The following ANTXR2 variants were observed in gnomAD, a reference collection of about 807,000 sequenced individuals.
ANTXR2 encodes the protein anthrax toxin receptor 2.
Under a neutral mutation model 73.7 loss-of-function variants are expected in ANTXR2, and 44 were observed. The ratio of observed to expected loss-of-function variants is 0.60; its 90% confidence interval spans 0.47 to 0.77. The LOEUF (loss-of-function observed/expected upper bound fraction) is 0.77. Among genes scored for constraint, ANTXR2 ranks in the 30% least tolerant of loss-of-function variants. The probability of loss-of-function intolerance (pLI) is 0.00; values close to 1 mark genes in which losing one functional copy is unlikely to be tolerated. For missense variants in ANTXR2, 604 were observed against 592.5 expected (o/e 1.02, Z -0.20); for synonymous variants, 217 against 205.9 (o/e 1.05, Z -0.46).
Position 80,005,188 on chromosome 4 carries a change from G to A in ANTXR2, c.1041+3333C>T, listed in dbSNP as rs766335138. On this transcript the variant is annotated intron_variant, in intron 12 of 16. Transcript: ENST00000403729. ...CTTTCCATGTTCTCTGTATTGATAAGAGCTCCTGAGCATACGATGCTCATG... is the reference window on the plus strand; with the variant it reads ...CTTTCCATGTTCTCTGTATTGATAAAAGCTCCTGAGCATACGATGCTCATG... Among the ~76,000 whole-genome samples the A allele has an allele frequency of 8.5e-5, 13 of 152,170 alleles. No homozygotes were observed. The South Asian group carries it at 1.2e-3, about 15-fold the overall frequency.
At position 79,978,060 on chromosome 4, in the gene ANTXR2, G is replaced by C. The variant is rs750324212; in HGVS notation, c.1294C>G (p.Arg432Gly). 1.9e-6 allele frequency: 3 copies of C among 1,612,378 alleles called. No individual in the cohort carries two copies. Among genetic ancestry groups the C allele is most frequent in the Non-Finnish European group, 2.5e-6 (3 of 1,179,462 alleles). Residue 432 changes from arginine (R) to glycine (G), a missense_variant, in exon 15 of 17, where the codon CGA becomes GGA. Physicochemically the swap from Arg to Gly is moderately radical, Grantham distance 125. Coordinates refer to ENST00000403729, the MANE Select transcript of ANTXR2 (RefSeq NM_058172.6). ...TEEPIRPRPPRPKPTHQPPQT... is the reference protein window; with the variant it reads ...TEEPIRPRPPGPKPTHQPPQT... ...GGAGGCTGGTGTGTGGGTTTGGGTC[G>C]AGGTGGTCTAGGCCTGATGGGTTCC...
At chr4:79,945,988 T>C (rs1728500608) in intron 16 of ANTXR2, among the ~76,000 whole-genome samples, 2 of 152,104 alleles carry the variant, frequency 1.3e-5, no homozygotes, top group Admixed American at 6.6e-5. Flanking sequence ...ATACAAATTT[T>C]TGAATTATAA....
At chr4:79,989,912 A>C (rs762744474) in intron 12 of ANTXR2, among the ~76,000 whole-genome samples, 5 of 151,840 alleles carry the variant, frequency 3.3e-5, no homozygotes, top group Non-Finnish European at 5.9e-5. Context: ...CTCAGAAAAA[A>C]CTTTCAATAA....
intron 16 of ANTXR2, among the ~76,000 whole-genome samples, chr4:79,927,294 C>CCACACACACACACCCA (rs1553926039): frequency 3.1e-4 from 46 of 150,320 alleles, no homozygotes; most frequent in Non-Finnish European, 1.8e-4. Context: ...GGAGCTCTTA[C>CCACACACACACACCCA]CACACACACA....
rs112094767 is a variant in ANTXR2, at chr4:79,976,159, G to A, written c.1428+1462C>T. ...GATCTCCTGACCTCGTGATCCGCCC[G>A]CCTCGGCTTCCCAAAGTGCTGGGAT... On this transcript the variant is annotated intron_variant, in intron 16 of 16. Coordinates refer to ENST00000403729, the MANE Select transcript of ANTXR2 (RefSeq NM_058172.6). Among the ~76,000 whole-genome samples, 36 of 151,912 alleles carry A rather than the reference G, an allele frequency of 2.4e-4. 1 individual carries two copies. Among genetic ancestry groups the A allele is most frequent in the South Asian group, 2.1e-3 (10 of 4,812 alleles).
chr4:80,043,076 G>A (rs1733350948), intron 7 of ANTXR2, among the ~76,000 whole-genome samples: 1 of 151,936 alleles, frequency 6.6e-6, no homozygotes, highest in African/African-American at 2.4e-5. Context: ...GGGGAGAGAG[G>A]GGAGTGGAGG....
chr4:79,933,555 A>T (rs915305520), intron 16 of ANTXR2, among the ~76,000 whole-genome samples: 3 of 151,854 alleles, frequency 2.0e-5, no homozygotes, highest in South Asian at 2.1e-4. Context: ...TTATTTTATT[A>T]TTTTTTAAAT....
chr4:80,010,721 C>T (rs10024167), intron 11 of ANTXR2, among the ~76,000 whole-genome samples: 98,474 of 152,018 alleles, frequency 0.65, 34,543 homozygotes, highest in East Asian at 0.94. Flanking sequence ...GCTAGATACT[C>T]AAAATTTTTT....
intron 11 of ANTXR2, among the ~76,000 whole-genome samples, chr4:80,016,450 G>A (rs1560994947): frequency 6.6e-6 from 1 of 151,894 alleles, no homozygotes. Flanking sequence ...CCTTTTTCTG[G>A]TACTCTTTCC....
chr4:79,931,494 A>G lies in ANTXR2; in HGVS notation c.1429-24027T>C, dbSNP rs528197962. 1.9e-4 allele frequency among the ~76,000 whole-genome samples: 27 copies of G among 141,102 alleles called. 1 individual carries two copies. The highest frequency in any genetic ancestry group is 6.5e-4 in the African/African-American group (25 of 38,528). 92.6% of individuals were successfully genotyped at this position (141,102 alleles called of 152,430 possible). A position where few individuals can be genotyped will look rare whatever the true frequency, so the allele number is the denominator to read the frequency against. ...CTCTCTCTCTCTCTCTTTCTCCCCA[A>G]ACACCCCACCCCCACTCCAACTTCC... On this transcript the variant is annotated intron_variant, in intron 16 of 16. Transcript: ENST00000403729.
rs926726112 is a variant in ANTXR2, at chr4:79,927,321, T to G, written c.1429-19854A>C. ...ACACACACACACACACGCACTCACC[T>G]GTGCACAGTAACTATGGAAGGTGAT... On this transcript the variant is annotated intron_variant, in intron 16 of 16. Coordinates refer to ENST00000403729, the MANE Select transcript of ANTXR2 (RefSeq NM_058172.6). 6.6e-5 allele frequency among the ~76,000 whole-genome samples: 6 copies of G among 91,238 alleles called. No homozygotes were observed. In the East Asian group the frequency reaches 2.0e-3, roughly 30 times the overall value. The allele number at this position is 91,238 out of a possible 152,430, so 59.9% of individuals were successfully genotyped here.
intron 8 of ANTXR2, among the ~76,000 whole-genome samples, chr4:80,034,438 G>A (rs758785248): frequency 3.9e-5 from 6 of 152,096 alleles, no homozygotes; most frequent in African/African-American, 1.4e-4. Flanking sequence ...ATCAGAAGAG[G>A]TTTGGCAGCT....
chr4:80,048,334 A>G (rs1733618647), intron 7 of ANTXR2, among the ~76,000 whole-genome samples: 1 of 151,288 alleles, frequency 6.6e-6, no homozygotes, highest in Non-Finnish European at 1.5e-5. Context: ...CATTAATGTG[A>G]AAGTTATTAT....
At position 80,007,293 on chromosome 4, in the gene ANTXR2, C is replaced by T. The variant is rs150317494; in HGVS notation, c.1041+1228G>A. ...CTTGCAGTATTATGTAAAACATTAC[C>T]ATGAACTACACAATATTAAGTTCTA... On this transcript the variant is annotated intron_variant, in intron 12 of 16. Transcript: ENST00000403729. Among the ~76,000 whole-genome samples the T allele has an allele frequency of 4.6e-3, 696 of 152,116 alleles. 10 individuals carry two copies. Among genetic ancestry groups the T allele is most frequent in the African/African-American group, 0.016 (661 of 41,510 alleles).
chr4:79,919,912 TATATATATAAA>T (rs1727523882), intron 16 of ANTXR2, among the ~76,000 whole-genome samples: 6 of 18,784 alleles, frequency 3.2e-4, no homozygotes, highest in African/African-American at 8.9e-4. Flanking sequence ...TATATATATA[TATATATATAAA>T]AAATGATAGG....
intron 12 of ANTXR2, 21 bp from the exon 13 acceptor site, chr4:79,984,884 T>C: frequency 6.4e-7 from 1 of 1,564,024 alleles, no homozygotes; most frequent in African/African-American, 1.4e-5. Flanking sequence ...AAATCAAATA[T>C]AAAAATTTCT....
chr4:80,002,123 C>T (rs1371649067), intron 12 of ANTXR2, among the ~76,000 whole-genome samples: 2 of 152,092 alleles, frequency 1.3e-5, no homozygotes, highest in Admixed American at 1.3e-4. Flanking sequence ...GCCAAAAGAA[C>T]AAAGCTGGAG....
chr4:79,916,445 AT>A lies in ANTXR2; in HGVS notation c.1429-8979del, dbSNP rs2109936567. On this transcript the variant is annotated intron_variant, in intron 16 of 16. Coordinates refer to ENST00000403729, the MANE Select transcript of ANTXR2 (RefSeq NM_058172.6). ...CTATATACCTTTTTAGTTGCTTAACATTTATTTTGTGAGGCACATAGTAGAT... is the reference window on the plus strand; with the variant it reads ...CTATATACCTTTTTAGTTGCTTAACATTATTTTGTGAGGCACATAGTAGAT... 2.0e-5 allele frequency among the ~76,000 whole-genome samples: 3 copies of A among 152,236 alleles called. No homozygotes were observed. In the East Asian group the frequency reaches 5.8e-4, roughly 29 times the overall value.
chr4:79,951,827 A>G (rs1176242454), intron 16 of ANTXR2, among the ~76,000 whole-genome samples: 1 of 152,144 alleles, frequency 6.6e-6, no homozygotes, highest in Non-Finnish European at 1.5e-5. Context: ...AATAACTCAA[A>G]CAGCAATTAA....
Sources: allele counts gnomAD v4.1 joint callset (sites outside exome capture counted in the v4.1 genomes callset), GRCh38; gene constraint gnomAD v4.1.1; transcripts MANE v1.5; gene names NCBI Gene and HGNC (gene_info 2026-07-23, HGNC 2026-07-21).